The following HDAC9 variants were observed in gnomAD, a reference collection of about 807,000 sequenced individuals.
The protein encoded by HDAC9 is MEF-2 interacting transcription repressor (MITR) protein.
In HDAC9, 41 loss-of-function variants were observed where a neutral mutation model predicts 139.4. The ratio of observed to expected loss-of-function variants is 0.29; its 90% CI spans 0.23 to 0.38. HDAC9 has a LOEUF of 0.38. Ranked by LOEUF, HDAC9 falls within the 10% of genes least tolerant of loss-of-function variation. HDAC9 has a pLI of 1.00. For missense variants in HDAC9, 1,147 were observed against 1,297.0 expected (o/e 0.88, Z 1.78); for synonymous variants, 517 against 476.2 (o/e 1.09, Z -1.12).
At chr7:18,175,669 GA>G (rs759495251) in intron 2 of HDAC9, among the ~76,000 whole-genome samples, 7 of 151,740 alleles carry the variant, frequency 4.6e-5, no homozygotes, top group Non-Finnish European at 8.8e-5. Flanking sequence ...ATATCCAAAT[GA>G]AAGACTCATG....
chr7:18,792,135 A>C (rs2520336), intron 16 of HDAC9, among the ~76,000 whole-genome samples: 7,233 of 152,122 alleles, frequency 0.048, 592 homozygotes, highest in African/African-American at 0.16. Flanking sequence ...TTAAGTGTGT[A>C]AGAACCTCAT....
chr7:18,761,292 G>A (rs967851138), intron 14 of HDAC9, among the ~76,000 whole-genome samples: 3 of 152,180 alleles, frequency 2.0e-5, no homozygotes, highest in Non-Finnish European at 4.4e-5. Flanking sequence ...TGCCTGTGTT[G>A]AAGGGCTGTA....
intron 14 of HDAC9, among the ~76,000 whole-genome samples, chr7:18,751,852 A>G (rs1398938856): frequency 1.3e-5 from 2 of 152,088 alleles, no homozygotes; most frequent in Non-Finnish European, 2.9e-5. Flanking sequence ...TTACCAGAAG[A>G]GTAAGGGAGT....
At chr7:18,922,912 T>G (rs773710918) in intron 22 of HDAC9, among the ~76,000 whole-genome samples, 4 of 152,088 alleles carry the variant, frequency 2.6e-5, no homozygotes, top group Non-Finnish European at 4.4e-5. Flanking sequence ...AGAGAGGGTT[T>G]AAGCAGCTGG....
chr7:18,816,869 C>G (rs993281452), intron 17 of HDAC9, among the ~76,000 whole-genome samples: 2 of 152,104 alleles, frequency 1.3e-5, no homozygotes, highest in African/African-American at 4.8e-5. Flanking sequence ...GTAATCAACA[C>G]CATTTTGGAT....
chr7:18,194,477 G>T (rs1461019518), intron 2 of HDAC9, among the ~76,000 whole-genome samples: 2 of 152,006 alleles, frequency 1.3e-5, no homozygotes, highest in Non-Finnish European at 2.9e-5. Flanking sequence ...CCTCACCGTT[G>T]TCCCATCTCC....
At position 18,557,355 on chromosome 7, in the gene HDAC9, T is replaced by TTTA. The variant is rs1554496488; in HGVS notation, c.23-27925_23-27924insTAT. Among the ~76,000 whole-genome samples the TTTA allele has an allele frequency of 3.3e-5, 5 of 151,360 alleles. No individual in the cohort carries two copies. The East Asian group carries it at 9.7e-4, about 29-fold the overall frequency. On this transcript the variant is annotated intron_variant, in intron 2 of 25. Coordinates refer to ENST00000686413, the MANE Select transcript of HDAC9 (RefSeq NM_178425.4). ...CAATGATGAGTTTTTTTTTTTTTTT[T>TTTA]TATATCTAACCTTAATCCTCCTGGT...
intron 1 of HDAC9, chr7:18,458,894 C>G (rs1793588839): frequency 6.5e-7 from 1 of 1,533,096 alleles, no homozygotes; most frequent in Non-Finnish European, 8.7e-7. Context: ...GCTGTAGGAT[C>G]TTCCCAGGTA....
At chr7:18,193,530 A>T (rs1182745) in intron 2 of HDAC9, among the ~76,000 whole-genome samples, 69,801 of 151,872 alleles carry the variant, frequency 0.46, 17,236 homozygotes, top group African/African-American at 0.64. Context: ...GCGCCATGCT[A>T]TATAACACAA....
chr7:18,831,676 C>G (rs1332515817), intron 19 of HDAC9, among the ~76,000 whole-genome samples: 1 of 152,138 alleles, frequency 6.6e-6, no homozygotes. Flanking sequence ...CCTGTTTCTT[C>G]CAGCTGCTGA....
chr7:18,517,223 T>C (rs1803507059), intron 2 of HDAC9, among the ~76,000 whole-genome samples: 2 of 152,320 alleles, frequency 1.3e-5, no homozygotes, highest in East Asian at 3.9e-4. Flanking sequence ...GGAATTGATA[T>C]CTTTTAAGAG....
chr7:18,624,550 A>G (rs960230973), intron 6 of HDAC9, among the ~76,000 whole-genome samples: 9 of 152,116 alleles, frequency 5.9e-5, no homozygotes, highest in Non-Finnish European at 8.8e-5. Flanking sequence ...TAATTAGTGT[A>G]ACTAGGCATG....
At chr7:18,135,566 T>A (rs1785341467) in intron 1 of HDAC9, among the ~76,000 whole-genome samples, 1 of 134,482 alleles carries the variant, frequency 7.4e-6, no homozygotes, top group Admixed American at 7.6e-5. Context: ...GGTTTTTTGT[T>A]CTTGCGATAG....
intron 1 of HDAC9, among the ~76,000 whole-genome samples, chr7:18,148,930 A>T (rs1306828663): frequency 2.0e-5 from 3 of 152,194 alleles, no homozygotes; most frequent in African/African-American, 7.2e-5. Context: ...TATGGTCATG[A>T]ATATCTTTGC....
chr7:18,787,953 G>A (rs77315067), intron 16 of HDAC9, among the ~76,000 whole-genome samples: 1 of 152,216 alleles, frequency 6.6e-6, no homozygotes, highest in East Asian at 1.9e-4. Context: ...AATGTCTTTA[G>A]GTAATTGCTT....
chr7:18,542,550 T>A (rs1490905949), intron 2 of HDAC9, among the ~76,000 whole-genome samples: 1 of 152,226 alleles, frequency 6.6e-6, no homozygotes, highest in Non-Finnish European at 1.5e-5. Context: ...TATGTGCAGA[T>A]ACTTTTTTAA....
intron 23 of HDAC9, among the ~76,000 whole-genome samples, chr7:18,941,159 C>CT (rs72216267): frequency 0.5 from 73,901 of 148,762 alleles, 18,444 homozygotes; most frequent in East Asian, 0.68. Context: ...TTTGTCTCTT[C>CT]TTTTTTTTTT....
At chr7:18,885,597 C>T (rs1800083606) in intron 22 of HDAC9, among the ~76,000 whole-genome samples, 2 of 152,280 alleles carry the variant, frequency 1.3e-5, no homozygotes, top group South Asian at 2.1e-4. Flanking sequence ...AACAAAACCA[C>T]AACCAGATCT....
intron 16 of HDAC9, 84 bp from the exon 17 acceptor site, chr7:18,793,261 C>T (rs563992995): frequency 3.3e-6 from 3 of 908,832 alleles, no homozygotes; most frequent in Admixed American, 2.0e-5. Context: ...TCCCCTGCGA[C>T]CTCTTCCCCT....
Sources: allele counts gnomAD v4.1 joint callset (sites outside exome capture counted in the v4.1 genomes callset), GRCh38; gene constraint gnomAD v4.1.1; transcripts MANE v1.5; gene names NCBI Gene and HGNC (gene_info 2026-07-23, HGNC 2026-07-21).